The following RORA variants were observed in gnomAD, a reference collection of about 807,000 sequenced individuals.
RORA encodes the protein RAR related orphan receptor A.
RORA carries 7 observed loss-of-function variants against 69.5 expected under a neutral mutation model. That is an observed-to-expected ratio of 0.10 (90% CI 0.06 to 0.19). The LOEUF (loss-of-function observed/expected upper bound fraction) is 0.19, where lower values mean the gene tolerates loss of function less well. RORA is among the 10% of genes least tolerant of loss of function. The pLI is 1.00. For missense variants in RORA, 457 were observed against 663.0 expected, an observed-to-expected ratio of 0.69 and a Z score of 3.41; for synonymous variants, 261 against 240.8, an observed-to-expected ratio of 1.08 and a Z score of -0.78.
intron 2 of RORA, chr15:60,627,549 A>G: frequency 2.2e-6 from 3 of 1,364,882 alleles, no homozygotes; most frequent in Non-Finnish European, 2.8e-6. Flanking sequence ...TGGGCAGTGG[A>G]ATCCCAGCCA....
At chr15:60,656,401 G>A (rs1178964294) in intron 2 of RORA, among the ~76,000 whole-genome samples, 3 of 152,180 alleles carry the variant, frequency 2.0e-5, no homozygotes, top group Non-Finnish European at 4.4e-5. Flanking sequence ...TTACAATTTA[G>A]CAGGGGAGAT....
rs1016371592 is a variant in RORA at position 61,131,930 on chromosome 15, G to C, written c.166+97123C>G. 6.6e-6 allele frequency among the ~76,000 whole-genome samples: 1 copy of C among 152,184 alleles called. No homozygotes were observed. Among genetic ancestry groups the C allele is most frequent in the African/African-American group, 2.4e-5 (1 of 41,456 alleles). ...AAAACAGCACTGAATTGGAACTGGG[G>C]GTAGATGCTGTAACCCTGATTACTA... On this transcript the variant is annotated intron_variant, in intron 1 of 10. Transcript: ENST00000335670. This position sits in a 1 kb window ranked among gnomAD's most constrained non-coding sequence, Gnocchi z 4.2.
At chr15:61,210,910 G>A (rs2079985198) in intron 1 of RORA, among the ~76,000 whole-genome samples, 1 of 152,212 alleles carries the variant, frequency 6.6e-6, no homozygotes, top group Non-Finnish European at 1.5e-5. Context: ...GCACAGAGAG[G>A]CCCTGACCCT....
intron 1 of RORA, among the ~76,000 whole-genome samples, chr15:60,832,936 A>C (rs543230633): frequency 6.6e-6 from 1 of 150,856 alleles, no homozygotes; most frequent in Non-Finnish European, 1.5e-5. Flanking sequence ...ACGGAGTCTC[A>C]CTGTGTCGCC....
chr15:60,966,952 T>G (rs1386792778), intron 1 of RORA, among the ~76,000 whole-genome samples: 1 of 152,150 alleles, frequency 6.6e-6, no homozygotes, highest in East Asian at 1.9e-4. Context: ...TGTCATAGCT[T>G]TAGGATATTC....
chr15:61,033,440 G>C (rs1896288264), intron 1 of RORA, among the ~76,000 whole-genome samples: 1 of 63,588 alleles, frequency 1.6e-5, no homozygotes, highest in Non-Finnish European at 3.5e-5. Flanking sequence ...TTTGCTCTCA[G>C]TGGGACCCTT....
intron 1 of RORA, among the ~76,000 whole-genome samples, chr15:61,219,860 T>C (rs2080078517): frequency 6.6e-6 from 1 of 152,198 alleles, no homozygotes; most frequent in South Asian, 2.1e-4. Context: ...ATATTTAACA[T>C]ACAACCCCAA....
chr15:61,196,997 A>G (rs2140921887), intron 1 of RORA, among the ~76,000 whole-genome samples: 1 of 152,360 alleles, frequency 6.6e-6, no homozygotes, highest in East Asian at 1.9e-4. Context: ...TTGCCAGAGC[A>G]GAACTTAGGA....
chr15:61,026,242 G>A lies in RORA; in HGVS notation c.166+202811C>T, dbSNP rs199895929. 2.5e-4 allele frequency among the ~76,000 whole-genome samples: 38 copies of A among 152,202 alleles called. No individual in the cohort carries two copies. In the East Asian group the frequency reaches 4.0e-3, roughly 16 times the overall value. On this transcript the variant is annotated intron_variant, in intron 1 of 10. Transcript: ENST00000335670. ...TTTACCTTCTGATGCATGAGGCTCC[G>A]AATTTTATAAAGTTCACCGTTAAAG...
rs566159422 is a variant in RORA at position 60,531,867 on chromosome 15, G to A, written c.197-16C>T. 56 of 1,521,686 alleles carry A rather than the reference G, an allele frequency of 3.7e-5. No individual in the cohort carries two copies. Among genetic ancestry groups the A allele is most frequent in the South Asian group, 2.6e-4 (22 of 83,144 alleles). 94.3% of individuals were successfully genotyped at this position (1,521,686 alleles called of 1,614,324 possible). A position where few individuals can be genotyped will look rare whatever the true frequency, so the allele number is the denominator to read the frequency against. ...TCAATTTGAGCTGCAACAGAAGCAC[G>A]CAACCAGTTAATTACATTTTCTTTT... On this transcript the variant is annotated splice_polypyrimidine_tract_variant and intron_variant, in intron 2 of 10. Transcript: ENST00000335670. This position sits in a 1 kb window ranked among gnomAD's most constrained non-coding sequence, Gnocchi z 4.8.
At chr15:60,929,373 G>A (rs558936166) in intron 1 of RORA, among the ~76,000 whole-genome samples, 2 of 152,320 alleles carry the variant, frequency 1.3e-5, no homozygotes, top group South Asian at 2.1e-4. Context: ...TTCATCACTG[G>A]CTGGTCTTTG....
intron 1 of RORA, among the ~76,000 whole-genome samples, chr15:60,717,131 C>T (rs1383613279): frequency 6.6e-6 from 1 of 152,068 alleles, no homozygotes; most frequent in Non-Finnish European, 1.5e-5. Context: ...TCCAGGTAAA[C>T]AGTGTTAGAA....
At chr15:60,681,741 G>A (rs955364646) in intron 1 of RORA, 3 of 152,096 alleles carry the variant, frequency 2.0e-5, no homozygotes, top group Non-Finnish European at 2.9e-5. Context: ...CAAGATTCCT[G>A]TTTTTCTCAC....
chr15:60,683,500 A>G (rs1220922015), intron 1 of RORA, among the ~76,000 whole-genome samples: 1 of 152,186 alleles, frequency 6.6e-6, no homozygotes, highest in Non-Finnish European at 1.5e-5. Flanking sequence ...TTTAACAACC[A>G]AAGAAGAAAA....
chr15:60,697,889 C>G (rs1007671287), intron 1 of RORA, among the ~76,000 whole-genome samples: 5 of 152,146 alleles, frequency 3.3e-5, no homozygotes, highest in Non-Finnish European at 5.9e-5. Flanking sequence ...AGTTATACCT[C>G]TCAGTCAGCC....
chr15:60,550,114 A>C (rs1161862952), intron 2 of RORA, among the ~76,000 whole-genome samples: 1 of 152,214 alleles, frequency 6.6e-6, no homozygotes, highest in Non-Finnish European at 1.5e-5. Flanking sequence ...AAGATGGTGA[A>C]ATCCCATCTC....
chr15:60,715,474 C>T (rs1048355809), intron 1 of RORA, among the ~76,000 whole-genome samples: 14 of 152,154 alleles, frequency 9.2e-5, no homozygotes, highest in African/African-American at 2.9e-4. Flanking sequence ...TCATGACAGA[C>T]GTTCCTTGGA....
chr15:60,975,550 TG>T (rs1453164453), intron 1 of RORA, among the ~76,000 whole-genome samples: 1 of 152,124 alleles, frequency 6.6e-6, no homozygotes, highest in Non-Finnish European at 1.5e-5. Context: ...AATGAACATG[TG>T]GGGTCCTATT....
intron 2 of RORA, among the ~76,000 whole-genome samples, chr15:60,670,411 T>G (rs112136699): frequency 0.02 from 3,106 of 152,206 alleles, 120 homozygotes; most frequent in African/African-American, 0.07. Flanking sequence ...GGTTTCACCA[T>G]GTTGGCCAGG....
Sources: allele counts gnomAD v4.1 joint callset (sites outside exome capture counted in the v4.1 genomes callset), GRCh38; gene constraint gnomAD v4.1.1; non-coding constraint Gnocchi (gnomAD v3.1); transcripts MANE v1.5; gene names NCBI Gene and HGNC (gene_info 2026-07-23, HGNC 2026-07-21).